TNRC6B: variants seen among roughly 807,000 people sequenced by gnomAD.
TNRC6B encodes the protein trinucleotide repeat containing adaptor 6B.
In TNRC6B, 52 loss-of-function variants were observed where a neutral mutation model predicts 203.6. The ratio of observed to expected loss-of-function variants is 0.26; its 90% CI spans 0.20 to 0.32. The LOEUF is 0.32. Ranked by LOEUF, TNRC6B falls within the 10% of genes least tolerant of loss-of-function variation. TNRC6B has a pLI of 1.00. For missense variants in TNRC6B, 1,923 were observed against 2,286.2 expected, an observed-to-expected ratio of 0.84 and a Z score of 3.24; for synonymous variants, 838 against 845.7, an observed-to-expected ratio of 0.99 and a Z score of 0.16.
chr22:40,065,006 T>G (rs1416065520), intron 1 of TNRC6B, among the ~76,000 whole-genome samples: 1 of 152,050 alleles, frequency 6.6e-6, no homozygotes, highest in East Asian at 1.9e-4. Context: ...GATAATGGTC[T>G]ATAGCATTGT....
chr22:40,061,255 C>G (rs879875794), intron 1 of TNRC6B, among the ~76,000 whole-genome samples: 58 of 152,158 alleles, frequency 3.8e-4, no homozygotes, highest in African/African-American at 1.4e-3. Flanking sequence ...GCTCTTGTTG[C>G]TCGGGCTGGA....
intron 4 of TNRC6B, among the ~76,000 whole-genome samples, chr22:40,172,375 A>G (rs1046857625): frequency 1.3e-5 from 2 of 152,252 alleles, no homozygotes; most frequent in Admixed American, 6.5e-5. Flanking sequence ...CTGCATCCCT[A>G]GCACTTAGCA....
chr22:40,276,077 G>A (rs1286754383), intron 7 of TNRC6B, among the ~76,000 whole-genome samples: 1 of 152,122 alleles, frequency 6.6e-6, no homozygotes, highest in Non-Finnish European at 1.5e-5. Context: ...GCTGGGCACG[G>A]TGGCTCACAC....
chr22:40,224,194 G>A lies in TNRC6B; in HGVS notation c.6-21821G>A, dbSNP rs147936632. Among the ~76,000 whole-genome samples, 31 of 152,054 alleles carry A rather than the reference G, an allele frequency of 2.0e-4. No individual in the cohort carries two copies. The East Asian group carries it at 5.6e-3, about 27-fold the overall frequency. On this transcript the variant is annotated intron_variant, in intron 1 of 22. Coordinates refer to ENST00000454349, the MANE Select transcript of TNRC6B (RefSeq NM_001162501.2). The stretch of plus-strand genomic sequence containing the variant: ...TAATTTTTGTATTTTTAATAGAGAC[G>A]GGGTTTCAACATGTTGGCCAGGCTG...
At chr22:40,093,929 A>G (rs548861038) in intron 1 of TNRC6B, among the ~76,000 whole-genome samples, 16 of 150,890 alleles carry the variant, frequency 1.1e-4, no homozygotes, top group Non-Finnish European at 2.1e-4. Context: ...AATCTATTGT[A>G]TATTTCAAAA....
At chr22:40,202,260 G>GTTTTTGTTTTTTT (rs761983025) in intron 1 of TNRC6B, among the ~76,000 whole-genome samples, 2 of 129,778 alleles carry the variant, frequency 1.5e-5, no homozygotes, top group African/African-American at 5.5e-5. Flanking sequence ...TTGTTTTTTT[G>GTTTTTGTTTTTTT]TTTTTTTTTT....
chr22:40,308,331 A>C (rs1357564960), intron 15 of TNRC6B, among the ~76,000 whole-genome samples, 181 bp from the exon 16 acceptor site: 1 of 152,220 alleles, frequency 6.6e-6, no homozygotes, highest in Non-Finnish European at 1.5e-5. Context: ...TCACAGAGAG[A>C]CATCACTTAT....
intron 4 of TNRC6B, among the ~76,000 whole-genome samples, chr22:40,156,914 A>G (rs2068823241): frequency 6.6e-6 from 1 of 150,932 alleles, no homozygotes; most frequent in Non-Finnish European, 1.5e-5. Flanking sequence ...GGCGGGGACT[A>G]CAGTTGCCCG....
At chr22:40,165,312 T>G (rs1417163969) in intron 4 of TNRC6B, among the ~76,000 whole-genome samples, 1 of 151,818 alleles carries the variant, frequency 6.6e-6, no homozygotes, top group Non-Finnish European at 1.5e-5. Flanking sequence ...GAGTAGCTAG[T>G]ACTACAGGCA....
Position 40,270,248 on chromosome 22 carries a change from C to T in TNRC6B, c.2933C>T (p.Thr978Met), listed in dbSNP as rs1273213273. 6.1e-6 allele frequency: 9 copies of T among 1,479,658 alleles called. No individual in the cohort carries two copies. The highest frequency in any genetic ancestry group is 5.3e-5 in the South Asian group (4 of 75,648). The allele number at this position is 1,479,658 out of a possible 1,614,324, so 91.7% of individuals were successfully genotyped here. A position where few individuals can be genotyped will look rare whatever the true frequency, so the allele number is the denominator to read the frequency against. The change falls in exon 6 of 23, where the codon ACG (threonine) becomes ATG (methionine). Residue 978 changes from threonine (T) to methionine (M), a missense_variant. By Grantham distance (81) the Thr-to-Met change is moderately conservative. Coordinates refer to ENST00000454349, the MANE Select transcript of TNRC6B (RefSeq NM_001162501.2). ...TGASTTGWGN[T>M]PANAPNAMKP... ...GCATCGACCACAGGCTGGGGGAACA[C>T]GCCCGCCAACGCTCCCAATGCCATG...
chr22:40,048,540 C>CAAAA (rs575286994), intron 1 of TNRC6B, among the ~76,000 whole-genome samples: 2 of 85,334 alleles, frequency 2.3e-5, no homozygotes, highest in African/African-American at 7.9e-5. Flanking sequence ...GGCTCCGTCT[C>CAAAA]AAAAAAAAAA....
At chr22:40,257,896 G>C (rs1447675234) in intron 3 of TNRC6B, among the ~76,000 whole-genome samples, 3 of 149,814 alleles carry the variant, frequency 2.0e-5, no homozygotes, top group African/African-American at 4.9e-5. Flanking sequence ...GGTGGTGCAC[G>C]CCAGCTACTC....
At chr22:40,285,816 A>C in intron 12 of TNRC6B, 46 bp downstream of exon 12, 1 of 1,607,088 alleles carries the variant, frequency 6.2e-7, no homozygotes, top group Non-Finnish European at 8.5e-7. Context: ...AGACCATTTC[A>C]CATCATTACC....
At chr22:40,159,830 G>C (rs1037672383) in intron 4 of TNRC6B, among the ~76,000 whole-genome samples, 4 of 145,808 alleles carry the variant, frequency 2.7e-5, no homozygotes, top group Non-Finnish European at 1.5e-5. Flanking sequence ...CTTTTTTTTT[G>C]AGACAAGGTC....
At position 40,265,270 on chromosome 22, in the gene TNRC6B, A is replaced by T; in HGVS notation, c.1040A>T (p.Gln347Leu). The change falls in exon 5 of 23, where the codon CAG (glutamine) becomes CTG (leucine). Residue 347 changes from glutamine to leucine, a missense_variant. Around this residue, in one of 8 missense-constraint regions of TNRC6B, gnomAD observed 614 missense variants for 587.7 expected, o/e 1.04. Transcript: ENST00000454349. ...STVGQTSREQ[Q>L]SKMENAGVNF... ...GTAGGTCAGACATCCAGGGAACAGC[A>T]GTCAAAGATGGAAAATGCGGGTGTT... is the stretch of plus-strand genomic sequence containing the variant. The T allele has an allele frequency of 1.9e-6, 3 of 1,614,048 alleles. No individual in the cohort carries two copies. The highest frequency in any genetic ancestry group is 2.5e-6 in the Non-Finnish European group (3 of 1,179,902).
chr22:40,174,444 G>C (rs1367324346), upstream of TNRC6B, among the ~76,000 whole-genome samples: 2 of 152,078 alleles, frequency 1.3e-5, no homozygotes, highest in Non-Finnish European at 2.9e-5. Context: ...GCGTCCCAAA[G>C]TGCTGGGATT....
In TNRC6B at chr22:40,134,364, C is replaced by T. The variant is rs189929154; in HGVS notation, c.45+8502C>T. Among the ~76,000 whole-genome samples, 722 of 152,270 alleles carry T rather than the reference C, an allele frequency of 4.7e-3. 2 individuals are homozygous for T. The highest frequency in any genetic ancestry group is 8.5e-3 in the Non-Finnish European group (576 of 68,030). On this transcript the variant is annotated intron_variant, in intron 3 of 23. Coordinates refer to the TNRC6B transcript ENST00000301923. The stretch of plus-strand genomic sequence containing the variant: ...CATGAGAAAAACATCAGACAAATTC[C>T]ACTAGCGGAATGTTCTGCAGAATAC...
At chr22:40,209,913 G>A (rs1309960893) in intron 1 of TNRC6B, among the ~76,000 whole-genome samples, 1 of 152,044 alleles carries the variant, frequency 6.6e-6, no homozygotes, top group African/African-American at 2.4e-5. Context: ...CAGCTACTCT[G>A]GAGGCTGAGG....
chr22:40,090,330 C>T (rs959532991), intron 1 of TNRC6B, among the ~76,000 whole-genome samples: 4 of 151,834 alleles, frequency 2.6e-5, no homozygotes, highest in African/African-American at 7.3e-5. Flanking sequence ...TTCTCCATGT[C>T]GTTACCAGCA....
Sources: allele counts gnomAD v4.1 joint callset (sites outside exome capture counted in the v4.1 genomes callset), GRCh38; gene constraint gnomAD v4.1.1; regional missense constraint gnomAD v4.1.1; transcripts MANE v1.5; gene names NCBI Gene and HGNC (gene_info 2026-07-23, HGNC 2026-07-21).